The following COL4A5 variants were observed in gnomAD, a reference collection of about 807,000 sequenced individuals.
The protein encoded by COL4A5 is collagen alpha-5(IV) chain.
Under a neutral mutation model 130.2 loss-of-function variants are expected in COL4A5, and 26 were observed. That is an observed-to-expected ratio of 0.20 (90% CI 0.15 to 0.28). The LOEUF is 0.28. Ranked by LOEUF, COL4A5 falls within the 10% of genes least tolerant of loss-of-function variation. COL4A5 has a pLI of 1.00. For missense variants in COL4A5, 1,131 were observed against 1,344.3 expected (o/e 0.84, Z 2.48); for synonymous variants, 496 against 439.6 (o/e 1.13, Z -1.60).
intron 1 of COL4A5, among the ~76,000 whole-genome samples, chrX:108,466,120 A>C (rs943891122): frequency 1.8e-5 from 2 of 111,678 alleles, no homozygotes; most frequent in African/African-American, 6.6e-5. Context: ...GTATGGATAT[A>C]CCACATTTTG....
intron 47 of COL4A5, among the ~76,000 whole-genome samples, 170 bp downstream of exon 47, chrX:108,682,058 C>T (rs1449183032): frequency 1.8e-5 from 2 of 111,481 alleles, no homozygotes; most frequent in Non-Finnish European, 3.8e-5. Flanking sequence ...CCTCCTCTAG[C>T]CCCCCTACCC....
intron 31 of COL4A5, among the ~76,000 whole-genome samples, chrX:108,621,157 CT>C (rs1347177508): frequency 1.2e-3 from 93 of 74,561 alleles, no homozygotes; most frequent in Middle Eastern, 5.7e-3. Flanking sequence ...TTCCTTCCTT[CT>C]TTTTTTTTTT....
At chrX:108,467,735 G>C (rs2064721278) in intron 1 of COL4A5, among the ~76,000 whole-genome samples, 1 of 111,104 alleles carries the variant, frequency 9.0e-6, no homozygotes, top group Admixed American at 9.5e-5. Context: ...TTTATTCCTA[G>C]GTGTGTTTTA....
At chrX:108,548,829 C>T (rs774217095) in intron 2 of COL4A5, among the ~76,000 whole-genome samples, 7 of 110,751 alleles carry the variant, frequency 6.3e-5, no homozygotes, top group Admixed American at 4.8e-4. Flanking sequence ...GTGAAAACAT[C>T]GTTAGAGAGC....
chrX:108,601,301 T>G (rs1603291712), intron 25 of COL4A5, 92 bp from the exon 26 acceptor site: 1 of 570,142 alleles, frequency 1.8e-6, no homozygotes, highest in East Asian at 3.6e-5. Flanking sequence ...TTCAAAAGAT[T>G]GCTGATAATT....
intron 1 of COL4A5, among the ~76,000 whole-genome samples, chrX:108,464,715 C>G (rs996663618): frequency 6.2e-5 from 7 of 112,057 alleles, no homozygotes; most frequent in Non-Finnish European, 1.3e-4. Context: ...TCTGTAAATA[C>G]AGCATGCCAT....
intron 36 of COL4A5, among the ~76,000 whole-genome samples, chrX:108,628,429 T>C (rs2067192824): frequency 1.8e-5 from 2 of 111,476 alleles, no homozygotes; most frequent in Admixed American, 1.9e-4. Flanking sequence ...TCTACAGATA[T>C]TGGGTGTTAT....
In COL4A5 at chrX:108,442,413, G is replaced by T. The variant is rs140186652; in HGVS notation, c.81+2207G>T. ...AAGTAACCTCTATGCCAAAAGGTTA[G>T]TAATAAGAGAAGACAGTTTTAAGTT... is the stretch of plus-strand genomic sequence containing the variant. On this transcript the variant is annotated intron_variant, in intron 1 of 52. Coordinates refer to ENST00000328300, the MANE Select transcript of COL4A5 (RefSeq NM_033380.3). 5.2e-3 allele frequency among the ~76,000 whole-genome samples: 580 copies of T among 111,667 alleles called. 2 individuals carry two copies. The highest frequency in any genetic ancestry group is 0.018 in the African/African-American group (559 of 30,787).
chrX:108,587,274 C>G (rs991160842), intron 19 of COL4A5, among the ~76,000 whole-genome samples: 2 of 101,859 alleles, frequency 2.0e-5, no homozygotes, highest in Non-Finnish European at 3.8e-5. Context: ...TTCCCCCGAC[C>G]CTTCCCAGCC....
chrX:108,655,476 A>G lies in COL4A5; in HGVS notation c.3373+19A>G. The G allele has an allele frequency of 8.3e-7, 1 of 1,209,161 alleles. No homozygotes were observed. Among genetic ancestry groups the G allele is most frequent in the Non-Finnish European group, 1.1e-6 (1 of 893,911 alleles). On this transcript the variant is annotated intron_variant, in intron 37 of 52. Transcript: ENST00000328300. ...TTCCCAGGTAAAATTTCTTCTCTTA[A>G]ATGCTTCCTTCTTTCCTTCCTTATC...
intron 33 of COL4A5, among the ~76,000 whole-genome samples, chrX:108,623,486 C>T (rs57182709): frequency 0.094 from 10,326 of 110,328 alleles, 1,095 homozygotes; most frequent in African/African-American, 0.31. Flanking sequence ...CATAACAAAA[C>T]ATCATAAAAT....
chrX:108,466,754 C>T (rs866951059), intron 1 of COL4A5, among the ~76,000 whole-genome samples: 7 of 107,365 alleles, frequency 6.5e-5, no homozygotes, highest in Non-Finnish European at 9.5e-5. Context: ...CAGGTGGCAC[C>T]ACATGGCCAA....
chrX:108,660,811 A>G (rs2067942240), intron 37 of COL4A5, among the ~76,000 whole-genome samples: 4 of 111,373 alleles, frequency 3.6e-5, no homozygotes, highest in Admixed American at 2.9e-4. Context: ...TTTTCCTCAT[A>G]TATAGTCGTG....
intron 47 of COL4A5, among the ~76,000 whole-genome samples, chrX:108,683,267 C>A (rs1472910226): frequency 5.4e-5 from 6 of 111,601 alleles, no homozygotes; most frequent in Non-Finnish European, 1.1e-4. Context: ...GTTTCGGTAC[C>A]AGTACCATGC....
At chrX:108,536,169 TTTA>T (rs1420943497) in intron 1 of COL4A5, among the ~76,000 whole-genome samples, 1 of 111,103 alleles carries the variant, frequency 9.0e-6, no homozygotes, top group Non-Finnish European at 1.9e-5. Context: ...GAGATCTAAA[TTTA>T]TTATTTTTTA....
chrX:108,450,229 C>T (rs1392694298), intron 1 of COL4A5, among the ~76,000 whole-genome samples: 1 of 111,852 alleles, frequency 8.9e-6, no homozygotes, highest in Non-Finnish European at 1.9e-5. Context: ...GTTTGAGTTA[C>T]GAGCTGAACC....
intron 2 of COL4A5, among the ~76,000 whole-genome samples, chrX:108,549,941 C>A (rs1396637117): frequency 9.0e-6 from 1 of 111,051 alleles, no homozygotes; most frequent in Non-Finnish European, 1.9e-5. Flanking sequence ...CCTTAAGAAA[C>A]ATACATTACC....
intron 29 of COL4A5, among the ~76,000 whole-genome samples, chrX:108,613,459 T>A (rs1317378045): frequency 8.9e-6 from 1 of 111,805 alleles, no homozygotes; most frequent in Non-Finnish European, 1.9e-5. Flanking sequence ...AAAAGACAAT[T>A]CATAAAAGAA....
intron 1 of COL4A5, among the ~76,000 whole-genome samples, chrX:108,468,559 A>G (rs2064732293): frequency 1.0e-5 from 1 of 99,763 alleles, no homozygotes; most frequent in African/African-American, 3.7e-5. Flanking sequence ...ATTTGAGTGT[A>G]TTTATTAGGA....
Sources: allele counts gnomAD v4.1 joint callset (sites outside exome capture counted in the v4.1 genomes callset), GRCh38; gene constraint gnomAD v4.1.1; transcripts MANE v1.5; gene names NCBI Gene and HGNC (gene_info 2026-07-23, HGNC 2026-07-21).